The following NKAIN2 variants were observed in gnomAD, a reference collection of about 807,000 sequenced individuals.
NKAIN2 encodes sodium/potassium transporting ATPase interacting 2.
NKAIN2 carries 14 observed loss-of-function variants against 32.6 expected under a neutral mutation model. That is an observed-to-expected ratio of 0.43 (90% CI 0.28 to 0.67). NKAIN2 has a LOEUF of 0.67. NKAIN2 is among the 30% of genes least tolerant of loss of function. The pLI is 0.17. For missense variants in NKAIN2, 198 were observed against 258.3 expected (o/e 0.77, Z 1.60); for synonymous variants, 80 against 87.2 (o/e 0.92, Z 0.46).
At chr6:124,693,212 G>GT (rs1463692383) in intron 4 of NKAIN2, among the ~76,000 whole-genome samples, 5 of 152,082 alleles carry the variant, frequency 3.3e-5, no homozygotes, top group South Asian at 2.1e-4. Context: ...TTATAATACT[G>GT]TTTTTTTCTG....
At chr6:124,364,466 T>C (rs1221978040) in intron 3 of NKAIN2, among the ~76,000 whole-genome samples, 1 of 151,874 alleles carries the variant, frequency 6.6e-6, no homozygotes, top group Non-Finnish European at 1.5e-5. Flanking sequence ...TAGGTATAGA[T>C]GAACAGAAAC....
intron 1 of NKAIN2, among the ~76,000 whole-genome samples, chr6:124,092,265 C>A (rs1357999839): frequency 6.6e-6 from 1 of 151,826 alleles, no homozygotes; most frequent in African/African-American, 2.4e-5. Context: ...TTCTAATTGC[C>A]CATATTTTAT....
intron 1 of NKAIN2, among the ~76,000 whole-genome samples, chr6:123,833,151 C>CT (rs1045196556): frequency 1.3e-5 from 2 of 152,044 alleles, no homozygotes; most frequent in South Asian, 2.1e-4. Context: ...TCTAGAGTCA[C>CT]TTTTTTTTGC....
At chr6:124,748,617 G>T (rs150618331) in intron 4 of NKAIN2, among the ~76,000 whole-genome samples, 2 of 151,882 alleles carry the variant, frequency 1.3e-5, no homozygotes, top group Non-Finnish European at 2.9e-5. Flanking sequence ...AAGATAAAAT[G>T]CAATAAATAA....
chr6:124,636,177 C>A (rs553293193), intron 3 of NKAIN2, among the ~76,000 whole-genome samples: 1 of 150,780 alleles, frequency 6.6e-6, no homozygotes, highest in South Asian at 2.1e-4. Flanking sequence ...GAAAACTGAA[C>A]AACATTTTGC....
chr6:124,338,886 A>G (rs555310180), intron 2 of NKAIN2, among the ~76,000 whole-genome samples: 1 of 152,382 alleles, frequency 6.6e-6, no homozygotes, highest in South Asian at 2.1e-4. Flanking sequence ...ACACTACTCC[A>G]CAAGTATTTA....
chr6:124,638,881 C>T (rs1405731719), intron 3 of NKAIN2, among the ~76,000 whole-genome samples: 2 of 98,794 alleles, frequency 2.0e-5, no homozygotes, highest in African/African-American at 8.4e-5. Context: ...CAGAGTGAGA[C>T]TCTGTCAAAA....
intron 5 of NKAIN2, among the ~76,000 whole-genome samples, chr6:124,795,824 T>A (rs1247249191): frequency 6.6e-6 from 1 of 152,138 alleles, no homozygotes; most frequent in Non-Finnish European, 1.5e-5. Context: ...TCCACTGTCA[T>A]GACATAACCA....
At chr6:124,817,841 T>C (rs1781233589) in intron 5 of NKAIN2, among the ~76,000 whole-genome samples, 1 of 152,204 alleles carries the variant, frequency 6.6e-6, no homozygotes, top group Non-Finnish European at 1.5e-5. Flanking sequence ...TTACCTCTGA[T>C]TGTTTAAGAT....
intron 2 of NKAIN2, among the ~76,000 whole-genome samples, chr6:124,313,128 T>C (rs975579339): frequency 6.6e-6 from 1 of 152,156 alleles, no homozygotes; most frequent in Non-Finnish European, 1.5e-5. Flanking sequence ...AAGAAAAACC[T>C]GCATAGCTGA....
chr6:124,312,281 C>A (rs987246750), intron 2 of NKAIN2, among the ~76,000 whole-genome samples: 5 of 152,138 alleles, frequency 3.3e-5, no homozygotes, highest in Non-Finnish European at 4.4e-5. Context: ...CTGCTGCAGA[C>A]ACCAGCTAGC....
intron 1 of NKAIN2, among the ~76,000 whole-genome samples, chr6:124,109,483 T>A (rs1404736578): frequency 6.6e-6 from 1 of 152,090 alleles, no homozygotes; most frequent in Non-Finnish European, 1.5e-5. Flanking sequence ...TGTCTATGTG[T>A]CTATAGACTT....
intron 4 of NKAIN2, among the ~76,000 whole-genome samples, chr6:124,725,958 G>A (rs1776272304): frequency 6.6e-6 from 1 of 152,214 alleles, no homozygotes; most frequent in Non-Finnish European, 1.5e-5. Flanking sequence ...ACGGCACCTT[G>A]AAAATTGGGT....
chr6:123,898,389 C>CT (rs1774385665), intron 1 of NKAIN2, among the ~76,000 whole-genome samples: 2 of 152,160 alleles, frequency 1.3e-5, no homozygotes, highest in African/African-American at 4.8e-5. Context: ...GACAATTGTG[C>CT]TTTTGACATC....
At chr6:123,943,203 G>A (rs561166781) in intron 1 of NKAIN2, among the ~76,000 whole-genome samples, 5 of 152,118 alleles carry the variant, frequency 3.3e-5, no homozygotes, top group Admixed American at 2.0e-4. Context: ...TTATCTCTGA[G>A]CTATAATTGG....
At chr6:124,083,502 A>AT (rs1370660869) in intron 1 of NKAIN2, among the ~76,000 whole-genome samples, 11 of 151,696 alleles carry the variant, frequency 7.3e-5, no homozygotes, top group Non-Finnish European at 1.6e-4. Context: ...AATTTTTCTA[A>AT]TTTTTTATAA....
At chr6:124,464,974 A>G (rs1305927433) in intron 3 of NKAIN2, among the ~76,000 whole-genome samples, 1 of 152,026 alleles carries the variant, frequency 6.6e-6, no homozygotes, top group Non-Finnish European at 1.5e-5. Context: ...GGCCATTTTC[A>G]CAATATTGAT....
chr6:123,913,686 T>C (rs1276486854), intron 1 of NKAIN2, among the ~76,000 whole-genome samples: 2 of 152,156 alleles, frequency 1.3e-5, no homozygotes, highest in East Asian at 3.9e-4. Context: ...CAAATATTAT[T>C]TGTATCCTGA....
At chr6:123,834,117 CTT>C (rs1774509725) in intron 1 of NKAIN2, among the ~76,000 whole-genome samples, 1 of 152,032 alleles carries the variant, frequency 6.6e-6, no homozygotes. Flanking sequence ...TATCCTGCAA[CTT>C]TGCAATAATT....
Sources: allele counts gnomAD v4.1 joint callset (sites outside exome capture counted in the v4.1 genomes callset), GRCh38; gene constraint gnomAD v4.1.1; transcripts MANE v1.5; gene names NCBI Gene and HGNC (gene_info 2026-07-23, HGNC 2026-07-21).